MXRA8: variants seen among roughly 807,000 people sequenced by gnomAD.
MXRA8 encodes matrix remodeling associated 8.
A neutral mutation model predicts 51.4 loss-of-function variants in MXRA8; 44 were observed. The ratio of observed to expected loss-of-function variants is 0.86; its 90% CI spans 0.67 to 1.10. The LOEUF is 1.10. MXRA8 is among the 50% of genes least tolerant of loss of function. The probability of loss-of-function intolerance (pLI) is 0.00; values close to 1 mark genes in which losing one functional copy is unlikely to be tolerated. For synonymous variants in MXRA8, 369 were observed against 293.5 expected (o/e 1.26, Z -2.63); for missense variants, 765 against 638.9 (o/e 1.20, Z -2.13).
At position 1,355,686 on chromosome 1, in the gene MXRA8, C is replaced by G. The variant is rs1428291404; in HGVS notation, c.140G>C (p.Gly47Ala). The change falls in exon 3 of 10, where the codon GGC (glycine) becomes GCC (alanine). Residue 47 changes from glycine (G) to alanine (A), a missense_variant. Coordinates refer to ENST00000309212, the MANE Select transcript of MXRA8 (RefSeq NM_032348.4). ...CTGGCAGCGCAGCACCGCCCGGGCG[C>G]CCGCCTCCCAGCTCACCGCGGACTC... ...VSESAVSWEA[G>A]ARAVLRCQSP... The G allele has an allele frequency of 7.4e-7, 1 of 1,351,962 alleles. No individual in the cohort carries two copies. Among genetic ancestry groups the G allele is most frequent in the Non-Finnish European group, 9.4e-7 (1 of 1,058,484 alleles). The allele number at this position is 1,351,962 out of a possible 1,614,324, so 83.7% of individuals were successfully genotyped here. A position where few individuals can be genotyped will look rare whatever the true frequency, so the allele number is the denominator to read the frequency against.
chr1:1,353,266 C>G lies in MXRA8; in HGVS notation c.*338G>C. 1 of 1,534,112 alleles carries G rather than the reference C, an allele frequency of 6.5e-7. No homozygotes were observed. The highest frequency in any genetic ancestry group is 8.8e-7 in the Non-Finnish European group (1 of 1,132,204). Reference sequence around the variant, plus strand: ...GAGGCTGACCCCAGTTTTGGGGCTGCCAGGTTCTGATGGGAGTGTCCTCCA... The same window carrying G: ...GAGGCTGACCCCAGTTTTGGGGCTGGCAGGTTCTGATGGGAGTGTCCTCCA... On this transcript the variant is annotated 3_prime_UTR_variant, in exon 10 of 10. Transcript: ENST00000309212.
At chr1:1,358,686 G>T, upstream of MXRA8, 1 of 1,399,306 alleles carries the variant, frequency 7.1e-7, no homozygotes, top group Non-Finnish European at 9.3e-7. Flanking sequence ...CATCGTTGCT[G>T]GCCTGCTGGG....
In MXRA8 at chr1:1,355,645, A is replaced by G. The variant is rs1644110413; in HGVS notation, c.181T>C (p.Trp61Arg). The change falls in exon 3 of 10, where the codon TGG becomes CGG. Residue 61 changes from tryptophan to arginine, a missense_variant. Transcript: ENST00000309212. ...VLRCQSPRMVWTQDRLHDRQR... is the reference protein window; with the variant it reads ...VLRCQSPRMVRTQDRLHDRQR... The stretch of plus-strand genomic sequence containing the variant: ...CGGTCGTGCAGCCGGTCCTGGGTCC[A>G]CACCATGCGCGGGCTCTGGCAGCGC... 1 of 1,441,886 alleles carries G rather than the reference A, an allele frequency of 6.9e-7. No individual in the cohort carries two copies. The highest frequency in any genetic ancestry group is 9.1e-7 in the Non-Finnish European group (1 of 1,101,814). 89.3% of individuals were successfully genotyped at this position (1,441,886 alleles called of 1,614,324 possible).
chr1:1,361,090 A>G (rs1348303372), upstream of MXRA8, among the ~76,000 whole-genome samples: 2 of 151,868 alleles, frequency 1.3e-5, no homozygotes, highest in Non-Finnish European at 2.9e-5. Flanking sequence ...ATGCGCACAC[A>G]CGACACACAT....
At position 1,358,543 on chromosome 1, in the gene MXRA8, TA is replaced by T. The variant is rs763819051; in HGVS notation, c.-40del. On this transcript the variant is annotated 5_prime_UTR_variant, in exon 1 of 10. Coordinates refer to ENST00000309212, the MANE Select transcript of MXRA8 (RefSeq NM_032348.4). ...CCCCAGGCTTTGTCCCACTCGGCTC[TA>T]AGTCTCTCTCCAGAAAAACAGCCCT... 1.2e-6 allele frequency: 2 copies of T among 1,601,430 alleles called. No individual in the cohort carries two copies. Among genetic ancestry groups the T allele is most frequent in the East Asian group, 2.2e-5 (1 of 44,474 alleles).
In MXRA8 at chr1:1,353,556, A is replaced by G. The variant is rs1644046348; in HGVS notation, c.*48T>C. On this transcript the variant is annotated 3_prime_UTR_variant, in exon 10 of 10. Transcript: ENST00000309212. ...CATCAGGAGATGCCCCGAGGAGCAC[A>G]GACAGGAGAGGTGCAGCTGCTGGCC... is the stretch of plus-strand genomic sequence containing the variant. 1 of 1,549,864 alleles carries G rather than the reference A, an allele frequency of 6.5e-7. No homozygotes were observed. Among genetic ancestry groups the G allele is most frequent in the Non-Finnish European group, 8.7e-7 (1 of 1,146,902 alleles).
At position 1,354,992 on chromosome 1, in the gene MXRA8, C is replaced by A. The variant is rs541079163; in HGVS notation, c.639G>T (p.Gly213=). 252 of 1,599,450 alleles carry A rather than the reference C, an allele frequency of 1.6e-4. 3 individuals are homozygous for A. In the South Asian group the frequency reaches 2.8e-3, roughly 18 times the overall value. ...GGCGGTCCGCGCGGTCGTGCGGGAC[C>A]CCGGGCGGCTGCCGGTCCCAGTGCA... ...QVVHWDRQPP[G]VPHDRADRLL... is the part of the protein sequence containing the mutation. Residue 213 remains glycine (G), a synonymous_variant, in exon 5 of 10, where the codon GGG becomes GGT. Coordinates refer to ENST00000309212, the MANE Select transcript of MXRA8 (RefSeq NM_032348.4).
rs1644057064 is a variant in MXRA8, at chr1:1,353,881, G to T, written c.1270C>A (p.Pro424Thr). Residue 424 changes from proline to threonine, a missense_variant, in exon 9 of 10, where the codon CCC becomes ACC. By Grantham distance (38) the Pro-to-Thr change is conservative. Coordinates refer to ENST00000309212, the MANE Select transcript of MXRA8 (RefSeq NM_032348.4). ...AGGTCGATGTACTTGGCAGGCAGGG[G>T]GCTGTGGGCCAGCTCCGCCCTCTCC... The part of the protein sequence containing the change: ...LKERAELAHS[P>T]LPAKYIDLDK... 4 of 1,607,220 alleles carry T rather than the reference G, an allele frequency of 2.5e-6. No individual in the cohort carries two copies. Among genetic ancestry groups the T allele is most frequent in the African/African-American group, 2.7e-5 (2 of 74,966 alleles).
upstream of MXRA8, among the ~76,000 whole-genome samples, chr1:1,360,714 G>A (rs1404120667): frequency 3.9e-5 from 6 of 152,164 alleles, no homozygotes; most frequent in South Asian, 2.1e-4. Flanking sequence ...CCCACGGCCC[G>A]CACTGAGGAT....
At chr1:1,353,799 G>A in intron 9 of MXRA8, 49 bp downstream of exon 9, 1 of 1,522,550 alleles carries the variant, frequency 6.6e-7, no homozygotes, top group Middle Eastern at 1.8e-4. Context: ...GAGGTGGAAT[G>A]GGGACAGGCA....
chr1:1,353,707 C>G (rs979889393), intron 9 of MXRA8, 78 bp from the exon 10 acceptor site: 2 of 1,494,474 alleles, frequency 1.3e-6, no homozygotes, highest in African/African-American at 1.4e-5. Flanking sequence ...CAGACCCCCC[C>G]GCAGGACTCC....
At chr1:1,360,525 G>A (rs1301129014), upstream of MXRA8, among the ~76,000 whole-genome samples, 1 of 152,214 alleles carries the variant, frequency 6.6e-6, no homozygotes, top group Non-Finnish European at 1.5e-5. Context: ...AGAGCTGTGG[G>A]TGTGTGACTT....
At chr1:1,361,474 G>A, upstream of MXRA8, 1 of 591,780 alleles carries the variant, frequency 1.7e-6, no homozygotes, top group South Asian at 1.9e-5. Flanking sequence ...AGGACGGACG[G>A]ACCCAAGGAA....
Position 1,354,391 on chromosome 1 carries a change from C to CAGTA in MXRA8, c.1064_1067dup (p.Val357ThrfsTer31), listed in dbSNP as rs1271537924. 3.7e-6 allele frequency: 6 copies of CAGTA among 1,612,296 alleles called. No individual in the cohort carries two copies. The highest frequency in any genetic ancestry group is 5.1e-6 in the Non-Finnish European group (6 of 1,179,806). ...TGCGGGCGGCCAGGAGGACAGTGAC[C>CAGTA]AGTAGCAGGATGAAGAGCAGCAGCG... On this transcript the variant is annotated frameshift_variant, in exon 6 of 10. Coordinates refer to ENST00000309212, the MANE Select transcript of MXRA8 (RefSeq NM_032348.4). LOFTEE classifies it high-confidence loss of function.
Position 1,354,011 on chromosome 1 carries a change from T to G in MXRA8, c.1222+19A>C, listed in dbSNP as rs750218566. The G allele has an allele frequency of 1.9e-6, 3 of 1,612,376 alleles. No individual in the cohort carries two copies. In the Admixed American group the frequency reaches 5.0e-5, roughly 27 times the overall value. Reference sequence around the variant, plus strand: ...ACTGGGAGCCGCGCCTGTGCCCTCGTGTCCCAGCACTGCCTCACCTAGCTG... The same window carrying G: ...ACTGGGAGCCGCGCCTGTGCCCTCGGGTCCCAGCACTGCCTCACCTAGCTG... On this transcript the variant is annotated intron_variant, in intron 8 of 9. Transcript: ENST00000309212.
upstream of MXRA8, among the ~76,000 whole-genome samples, chr1:1,360,212 G>A (rs922108470): frequency 3.3e-5 from 5 of 152,344 alleles, no homozygotes; most frequent in Admixed American, 2.0e-4. Context: ...CCACACTTTC[G>A]GGGACCCAGC....
At chr1:1,360,076 C>T (rs1268383126), upstream of MXRA8, among the ~76,000 whole-genome samples, 1 of 152,228 alleles carries the variant, frequency 6.6e-6, no homozygotes, top group Non-Finnish European at 1.5e-5. Context: ...ACAGGGTTGG[C>T]CCTCGGGTCT....
chr1:1,359,548 A>G (rs2649608), upstream of MXRA8: 957,422 of 985,414 alleles, frequency 0.97, 465,216 homozygotes, highest in African/African-American at 0.99. Flanking sequence ...CGAGGGCCCC[A>G]GCTGGGTGGG....
intron 1 of MXRA8, among the ~76,000 whole-genome samples, chr1:1,357,266 A>G (rs1644152000): frequency 6.6e-6 from 1 of 151,954 alleles, no homozygotes; most frequent in African/African-American, 2.4e-5. Context: ...CTCGGCATCC[A>G]CTCTGAATCT....
Sources: allele counts gnomAD v4.1 joint callset (sites outside exome capture counted in the v4.1 genomes callset), GRCh38; gene constraint gnomAD v4.1.1; transcripts MANE v1.5; gene names NCBI Gene and HGNC (gene_info 2026-07-23, HGNC 2026-07-21).